TMOD3: variants seen among roughly 807,000 people sequenced by gnomAD.
TMOD3 encodes tropomodulin-3.
Under a neutral mutation model 39.2 loss-of-function variants are expected in TMOD3, and 20 were observed. The observed-to-expected ratio is 0.51, with a 90% CI of 0.36 to 0.74. The LOEUF (loss-of-function observed/expected upper bound fraction) is 0.74. Among genes scored for constraint, TMOD3 ranks in the 30% least tolerant of loss-of-function variants. The probability of loss-of-function intolerance (pLI) is 0.00; values close to 1 mark genes in which losing one functional copy is unlikely to be tolerated. For missense variants in TMOD3, 381 were observed against 412.8 expected, an observed-to-expected ratio of 0.92 and a Z score of 0.67; for synonymous variants, 143 against 145.8, an observed-to-expected ratio of 0.98 and a Z score of 0.14.
intron 9 of TMOD3, among the ~76,000 whole-genome samples, chr15:51,905,456 C>T (rs2056673718): frequency 6.6e-6 from 1 of 151,514 alleles, no homozygotes; most frequent in South Asian, 2.1e-4. Flanking sequence ...CACTGTACTC[C>T]AGCCTGGGCT....
intron 7 of TMOD3, among the ~76,000 whole-genome samples, chr15:51,898,682 C>T (rs1017943008): frequency 5.3e-5 from 8 of 152,212 alleles, no homozygotes; most frequent in Admixed American, 3.9e-4. Flanking sequence ...AGTATCTCTA[C>T]GCCCTATTGC....
At chr15:51,908,742 A>T in intron 9 of TMOD3, 34 bp from the exon 10 acceptor site, 1 of 1,566,228 alleles carries the variant, frequency 6.4e-7, no homozygotes, top group African/African-American at 1.4e-5. Context: ...ACTAATAGGG[A>T]TTTCTAACAT....
At chr15:51,840,488 C>G (rs186762121) in intron 1 of TMOD3, among the ~76,000 whole-genome samples, 1 of 152,164 alleles carries the variant, frequency 6.6e-6, no homozygotes, top group Admixed American at 6.5e-5. Context: ...CATATCAATC[C>G]CATGAGATGG....
chr15:51,860,648 A>G lies in TMOD3; in HGVS notation c.-74-2163A>G, dbSNP rs920675541. The G allele has an allele frequency of 2.5e-5, 13 of 530,116 alleles. No individual in the cohort carries two copies. The East Asian group carries it at 4.0e-4, about 16-fold the overall frequency. 32.8% of individuals were successfully genotyped at this position (530,116 alleles called of 1,614,324 possible). ...TAGCCCATTTCTTACAAAAAACTAC[A>G]TAGGAGGCCAGGCACGGTGGCTCAT... On this transcript the variant is annotated intron_variant, in intron 1 of 9. Transcript: ENST00000308580.
intron 1 of TMOD3, among the ~76,000 whole-genome samples, chr15:51,854,443 A>G (rs979621341): frequency 6.6e-6 from 1 of 152,260 alleles, no homozygotes; most frequent in African/African-American, 2.4e-5. Flanking sequence ...GAGAGAATGG[A>G]TAAGAATCTG....
intron 3 of TMOD3, among the ~76,000 whole-genome samples, chr15:51,878,349 A>G (rs2056515492): frequency 6.7e-6 from 1 of 150,014 alleles, no homozygotes; most frequent in African/African-American, 2.5e-5. Context: ...CCTGGCCAAC[A>G]TAACAAGAAC....
intron 8 of TMOD3, 120 bp from the exon 9 acceptor site, chr15:51,901,772 T>G: frequency 1.0e-6 from 1 of 994,970 alleles, no homozygotes; most frequent in Non-Finnish European, 1.5e-6. Context: ...GTATATGTTG[T>G]AGGAATTGGG....
Position 51,847,656 on chromosome 15 carries a change from C to T in TMOD3, c.-74-15155C>T, listed in dbSNP as rs189441289. On this transcript the variant is annotated intron_variant, in intron 1 of 9. Transcript: ENST00000308580. ...AGTCTTAGACAGGCATGGTGGCTCA[C>T]GTTTATAATTCCAGCACTTTGAGGG... is the stretch of plus-strand genomic sequence containing the variant. Among the ~76,000 whole-genome samples the T allele has an allele frequency of 1.4e-3, 217 of 152,272 alleles. 2 individuals carry two copies. The highest frequency in any genetic ancestry group is 2.7e-3 in the South Asian group (13 of 4,824).
intron 5 of TMOD3, among the ~76,000 whole-genome samples, chr15:51,890,040 C>T (rs561657062): frequency 2.3e-4 from 35 of 152,136 alleles, no homozygotes; most frequent in Non-Finnish European, 3.1e-4. Flanking sequence ...TTGTATATAC[C>T]CTTCCAGGCT....
At chr15:51,884,230 A>G (rs1453835572) in intron 3 of TMOD3, among the ~76,000 whole-genome samples, 1 of 152,356 alleles carries the variant, frequency 6.6e-6, no homozygotes, top group East Asian at 1.9e-4. Flanking sequence ...ACTGAAGGTG[A>G]TCACCAAATT....
At chr15:51,839,165 C>CTTTTTTTTTTTTTTTTTTTTTTT (rs60102349) in intron 1 of TMOD3, among the ~76,000 whole-genome samples, 5 of 108,960 alleles carry the variant, frequency 4.6e-5, no homozygotes, top group African/African-American at 1.2e-4. Flanking sequence ...GTGTATCTCT[C>CTTTTTTTTTTTTTTTTTTTTTTT]TTTTTTTTTT....
At chr15:51,883,369 A>G (rs1014187179) in intron 3 of TMOD3, among the ~76,000 whole-genome samples, 1 of 152,232 alleles carries the variant, frequency 6.6e-6, no homozygotes, top group African/African-American at 2.4e-5. Flanking sequence ...ATTATAAAAA[A>G]AATAAGCATC....
intron 5 of TMOD3, chr15:51,892,346 A>G (rs1006955933): frequency 6.6e-6 from 1 of 152,188 alleles, no homozygotes; most frequent in African/African-American, 2.4e-5. Flanking sequence ...ATGTATCCAT[A>G]AAAGTTTACC....
chr15:51,896,683 C>G (rs1230362112), intron 7 of TMOD3, among the ~76,000 whole-genome samples, 157 bp downstream of exon 7: 1 of 151,938 alleles, frequency 6.6e-6, no homozygotes, highest in Non-Finnish European at 1.5e-5. Flanking sequence ...TTATTTTTTC[C>G]TGTATTTCCT....
intron 5 of TMOD3, among the ~76,000 whole-genome samples, chr15:51,890,489 A>G (rs1471422414): frequency 6.6e-6 from 1 of 151,800 alleles, no homozygotes; most frequent in African/African-American, 2.4e-5. Flanking sequence ...CTGTTTTTGA[A>G]TGCTTACTGT....
chr15:51,830,153 G>C (rs557776388), intron 1 of TMOD3, among the ~76,000 whole-genome samples: 2 of 152,274 alleles, frequency 1.3e-5, no homozygotes, highest in African/African-American at 4.8e-5. Context: ...AGCCGCGGCC[G>C]AGCTGGCTCC....
chr15:51,863,715 C>A (rs1327321105), intron 2 of TMOD3, among the ~76,000 whole-genome samples: 1 of 152,162 alleles, frequency 6.6e-6, no homozygotes, highest in African/African-American at 2.4e-5. Context: ...TTCTTTACCA[C>A]ATTTCTTTAT....
intron 1 of TMOD3, chr15:51,859,464 G>A: frequency 3.0e-6 from 2 of 656,138 alleles, no homozygotes; most frequent in Admixed American, 3.6e-5. Flanking sequence ...AACTGAAAAT[G>A]GATGGCTGTT....
At chr15:51,881,181 T>G (rs1006601348) in intron 3 of TMOD3, among the ~76,000 whole-genome samples, 1 of 152,224 alleles carries the variant, frequency 6.6e-6, no homozygotes, top group East Asian at 1.9e-4. Context: ...ACAATCCTCC[T>G]ATGTCAACCG....
Sources: gnomAD v4.1 joint callset for allele counts (sites outside exome capture counted in the v4.1 genomes callset) on GRCh38, gnomAD v4.1.1 for gene constraint, MANE v1.5 for transcripts, NCBI Gene and HGNC (gene_info 2026-07-23, HGNC 2026-07-21) for gene names.